The following UBE2E2 variants were observed in gnomAD, a reference collection of about 807,000 sequenced individuals.
UBE2E2 encodes the protein ubiquitin-conjugating enzyme E2 E2.
Under a neutral mutation model 24.7 loss-of-function variants are expected in UBE2E2, and 6 were observed. The observed-to-expected ratio is 0.24, with a 90% CI of 0.13 to 0.48. UBE2E2 has a LOEUF of 0.48. UBE2E2 is among the 20% of genes least tolerant of loss of function. UBE2E2 has a pLI of 0.99. For synonymous variants in UBE2E2, 104 were observed against 83.6 expected, an observed-to-expected ratio of 1.24 and a Z score of -1.33; for missense variants, 169 against 245.0, an observed-to-expected ratio of 0.69 and a Z score of 2.07.
intron 4 of UBE2E2, among the ~76,000 whole-genome samples, chr3:23,517,799 G>C (rs557435944): frequency 7.5e-4 from 114 of 152,112 alleles, no homozygotes; most frequent in African/African-American, 2.7e-3. Context: ...CTAAAAGGTG[G>C]TATTGTTATA....
chr3:23,541,971 A>C (rs1368130864), intron 5 of UBE2E2, among the ~76,000 whole-genome samples: 2 of 152,186 alleles, frequency 1.3e-5, no homozygotes, highest in Non-Finnish European at 2.9e-5. Flanking sequence ...ACACAGACTA[A>C]TTTAAATACA....
At chr3:23,534,734 C>A (rs749002772) in intron 5 of UBE2E2, among the ~76,000 whole-genome samples, 5 of 151,994 alleles carry the variant, frequency 3.3e-5, no homozygotes, top group Non-Finnish European at 7.4e-5. Context: ...TTTTTACCTA[C>A]AGAGGTAGGA....
At chr3:23,559,151 G>T (rs1371435076) in intron 5 of UBE2E2, among the ~76,000 whole-genome samples, 1 of 152,066 alleles carries the variant, frequency 6.6e-6, no homozygotes, top group Non-Finnish European at 1.5e-5. Context: ...AAGCACTGAA[G>T]CTTTATTCTT....
At chr3:23,332,119 A>T (rs186522530) in intron 3 of UBE2E2, among the ~76,000 whole-genome samples, 2 of 152,238 alleles carry the variant, frequency 1.3e-5, no homozygotes, top group Non-Finnish European at 2.9e-5. Flanking sequence ...TATATTTTGT[A>T]TATTCAGTGC....
At chr3:23,297,484 G>C (rs907899048) in intron 3 of UBE2E2, among the ~76,000 whole-genome samples, 1 of 152,134 alleles carries the variant, frequency 6.6e-6, no homozygotes, top group African/African-American at 2.4e-5. Context: ...ATTAATTTTT[G>C]TATAAGGTGT....
rs1477835141 is a variant in UBE2E2, at chr3:23,280,155, T to TG, written c.227+62846dup. On this transcript the variant is annotated intron_variant, in intron 3 of 5. Transcript: ENST00000396703. This position sits in a 1 kb window ranked among gnomAD's most constrained non-coding sequence, Gnocchi z 4.3. ...AAGCTTTTATAGAGAAGAAACACTG[T>TG]GGGTTAGGATGGGAGTTGTAGCAAA... Among the ~76,000 whole-genome samples, 1 of 152,176 alleles carries TG rather than the reference T, an allele frequency of 6.6e-6. No homozygotes were observed. Among genetic ancestry groups the TG allele is most frequent in the East Asian group, 1.9e-4 (1 of 5,194 alleles).
At chr3:23,555,791 T>C (rs1695764165) in intron 5 of UBE2E2, among the ~76,000 whole-genome samples, 1 of 152,166 alleles carries the variant, frequency 6.6e-6, no homozygotes, top group Admixed American at 6.5e-5. Context: ...AACTATTGCA[T>C]CTCATTTATA....
intron 3 of UBE2E2, among the ~76,000 whole-genome samples, chr3:23,476,648 C>G (rs745887732): frequency 1.4e-4 from 22 of 151,994 alleles, no homozygotes; most frequent in Non-Finnish European, 2.2e-4. Flanking sequence ...TGATCATGCC[C>G]TTACACTCCA....
At chr3:23,304,214 T>C (rs2125268163) in intron 3 of UBE2E2, among the ~76,000 whole-genome samples, 1 of 152,300 alleles carries the variant, frequency 6.6e-6, no homozygotes, top group South Asian at 2.1e-4. Flanking sequence ...GTGGTGAAAT[T>C]ATAGCAGAAG....
intron 3 of UBE2E2, among the ~76,000 whole-genome samples, chr3:23,387,681 A>G (rs1363272512): frequency 6.6e-6 from 1 of 152,136 alleles, no homozygotes; most frequent in Non-Finnish European, 1.5e-5. Context: ...TATTGTTTTA[A>G]GCACTCAACC....
chr3:23,347,146 C>T (rs1458571257), intron 3 of UBE2E2, among the ~76,000 whole-genome samples: 2 of 152,154 alleles, frequency 1.3e-5, no homozygotes, highest in Non-Finnish European at 2.9e-5. Context: ...GACAGTGTGG[C>T]GATTTCTCAA....
rs1697394654 is a variant in UBE2E2 at position 23,407,646 on chromosome 3, C to CGT, written c.228-91962_228-91961insGT. ...GTGTGTGTTTGTGTGTGCATGCGTG[C>CGT]ATGTGTGTGTGTGTGTGTGTGTGTG... is the stretch of plus-strand genomic sequence containing the variant. On this transcript the variant is annotated intron_variant, in intron 3 of 5. Coordinates refer to ENST00000396703, the MANE Select transcript of UBE2E2 (RefSeq NM_152653.4). This position sits in a 1 kb window ranked among gnomAD's most constrained non-coding sequence, Gnocchi z 4.0. Among the ~76,000 whole-genome samples the CGT allele has an allele frequency of 3.2e-5, 3 of 93,520 alleles. No individual in the cohort carries two copies. Among genetic ancestry groups the CGT allele is most frequent in the South Asian group, 6.7e-4 (2 of 2,974 alleles). 61.4% of individuals were successfully genotyped at this position (93,520 alleles called of 152,430 possible).
intron 3 of UBE2E2, among the ~76,000 whole-genome samples, chr3:23,356,542 T>C (rs909295398): frequency 1.3e-5 from 2 of 152,104 alleles, no homozygotes; most frequent in Admixed American, 6.6e-5. Flanking sequence ...TTTATTTTTG[T>C]TAATTATCTC....
intron 5 of UBE2E2, among the ~76,000 whole-genome samples, chr3:23,556,204 G>A (rs1695778073): frequency 7.0e-6 from 1 of 142,778 alleles, no homozygotes; most frequent in Non-Finnish European, 1.5e-5. Flanking sequence ...GAGTGCAGTG[G>A]TGCGATCTCA....
chr3:23,203,299 C>T, upstream of UBE2E2: 1 of 987,674 alleles, frequency 1.0e-6, no homozygotes, highest in African/African-American at 1.7e-5. Flanking sequence ...CGGGGACAGG[C>T]GTGGTCGGGT....
chr3:23,544,890 A>G (rs1175206820), intron 5 of UBE2E2, among the ~76,000 whole-genome samples: 2 of 141,460 alleles, frequency 1.4e-5, no homozygotes, highest in African/African-American at 5.2e-5. Flanking sequence ...GTCACAAGAC[A>G]ATAGTGGGGA....
At chr3:23,331,724 G>C (rs1695064170) in intron 3 of UBE2E2, among the ~76,000 whole-genome samples, 1 of 152,014 alleles carries the variant, frequency 6.6e-6, no homozygotes, top group African/African-American at 2.4e-5. Context: ...AGTGGGAGGA[G>C]ATGAGAGAGA....
chr3:23,388,823 G>A (rs1696868550), intron 3 of UBE2E2, among the ~76,000 whole-genome samples: 1 of 151,606 alleles, frequency 6.6e-6, no homozygotes, highest in Admixed American at 6.6e-5. Flanking sequence ...TGACCAACAT[G>A]GTGAAACCCC....
At chr3:23,461,240 C>T (rs992559826) in intron 3 of UBE2E2, among the ~76,000 whole-genome samples, 46 of 152,262 alleles carry the variant, frequency 3.0e-4, no homozygotes, top group African/African-American at 1.1e-3. Flanking sequence ...AATAACTAGT[C>T]ATAGTACTTA....
Sources: gnomAD v4.1 joint callset for allele counts (sites outside exome capture counted in the v4.1 genomes callset) on GRCh38, gnomAD v4.1.1 for gene constraint, Gnocchi (gnomAD v3.1) non-coding constraint, MANE v1.5 for transcripts, NCBI Gene and HGNC (gene_info 2026-07-23, HGNC 2026-07-21) for gene names.